The following DAAM2 variants were observed in gnomAD, a reference collection of about 807,000 sequenced individuals.
The protein encoded by DAAM2 is dishevelled associated activator of morphogenesis 2, also known as disheveled-associated activator of morphogenesis 2.
DAAM2 carries 39 observed loss-of-function variants against 120.7 expected under a neutral mutation model. The observed-to-expected ratio is 0.32, with a 90% confidence interval of 0.25 to 0.42. The LOEUF is 0.42. Among genes scored for constraint, DAAM2 ranks in the 10% least tolerant of loss-of-function variants. The probability of loss-of-function intolerance (pLI) is 1.00; values close to 1 mark genes in which losing one functional copy is unlikely to be tolerated. For synonymous variants in DAAM2, 488 were observed against 524.9 expected, an observed-to-expected ratio of 0.93 and a Z score of 0.96; for missense variants, 1,283 against 1,401.7, an observed-to-expected ratio of 0.92 and a Z score of 1.35.
chr6:39,880,178 T>C (rs1045048687), intron 14 of DAAM2, among the ~76,000 whole-genome samples: 15 of 152,246 alleles, frequency 9.9e-5, no homozygotes, highest in African/African-American at 3.6e-4. Flanking sequence ...AGGAGCTTTG[T>C]CCTTGAAGTA....
intron 8 of DAAM2, 120 bp from the exon 9 acceptor site, chr6:39,871,386 A>C: frequency 1.1e-6 from 1 of 939,072 alleles, no homozygotes; most frequent in Non-Finnish European, 1.7e-6. Context: ...TTTTGCCTTC[A>C]TTTTGCTTGA....
intron 2 of DAAM2, among the ~76,000 whole-genome samples, chr6:39,856,833 G>T (rs1001148317): frequency 6.6e-6 from 1 of 152,156 alleles, no homozygotes; most frequent in Non-Finnish European, 1.5e-5. Flanking sequence ...CTGCTCCTTG[G>T]AGTTTCCCTG....
At chr6:39,824,971 A>G (rs1762615738) in intron 1 of DAAM2, among the ~76,000 whole-genome samples, 1 of 152,156 alleles carries the variant, frequency 6.6e-6, no homozygotes. Context: ...CTCCTGGAGG[A>G]GAATGATGAG....
chr6:39,816,831 T>A (rs184538475), intron 1 of DAAM2, among the ~76,000 whole-genome samples: 478 of 152,342 alleles, frequency 3.1e-3, no homozygotes, highest in Non-Finnish European at 5.9e-3. Flanking sequence ...CAGGTCTGTT[T>A]CCAGTACCGT....
intron 22 of DAAM2, 111 bp from the exon 23 acceptor site, chr6:39,899,966 C>A (rs1766373370): frequency 1.6e-6 from 2 of 1,246,510 alleles, no homozygotes; most frequent in South Asian, 1.5e-5. Context: ...AGGGTGTTCC[C>A]TCTTCCAAAG....
chr6:39,807,602 C>T (rs1245896945), intron 1 of DAAM2, among the ~76,000 whole-genome samples: 11 of 152,072 alleles, frequency 7.2e-5, no homozygotes, highest in Non-Finnish European at 1.3e-4. Flanking sequence ...CTGCAACCTC[C>T]GCCTCCTGGG....
intron 16 of DAAM2, 89 bp downstream of exon 16, chr6:39,887,681 C>T (rs1161645316): frequency 1.2e-6 from 1 of 851,282 alleles, no homozygotes; most frequent in African/African-American, 1.7e-5. Flanking sequence ...GCCTCTCCCT[C>T]TCTGCTGTCC....
At chr6:39,808,045 CAT>C (rs1304195016) in intron 1 of DAAM2, among the ~76,000 whole-genome samples, 1 of 150,832 alleles carries the variant, frequency 6.6e-6, no homozygotes, top group Non-Finnish European at 1.5e-5. Context: ...ATCTATATCT[CAT>C]GTGCACATGG....
intron 1 of DAAM2, among the ~76,000 whole-genome samples, chr6:39,837,410 T>G (rs1271879843): frequency 6.6e-6 from 1 of 152,038 alleles, no homozygotes; most frequent in African/African-American, 2.4e-5. Context: ...ATCATAAACA[T>G]AGCTGCTATT....
intron 1 of DAAM2, among the ~76,000 whole-genome samples, chr6:39,853,372 CAA>C (rs886914763): frequency 4.3e-4 from 65 of 152,276 alleles, no homozygotes; most frequent in African/African-American, 1.4e-3. Flanking sequence ...TGCAGCCCCT[CAA>C]AAAGACACAT....
At chr6:39,834,235 G>A (rs1325784162) in intron 1 of DAAM2, among the ~76,000 whole-genome samples, 1 of 152,150 alleles carries the variant, frequency 6.6e-6, no homozygotes. Context: ...ATTGTCATAG[G>A]ATATCTCATT....
At chr6:39,883,530 T>C (rs893686547) in intron 14 of DAAM2, 7 of 162,920 alleles carry the variant, frequency 4.3e-5, no homozygotes, top group African/African-American at 1.4e-4. Flanking sequence ...ATCCAAAATA[T>C]GTATGGCTTT....
At chr6:39,842,958 A>G (rs193188081) in intron 1 of DAAM2, among the ~76,000 whole-genome samples, 13 of 152,238 alleles carry the variant, frequency 8.5e-5, no homozygotes, top group Admixed American at 7.8e-4. Flanking sequence ...TGCTTTTATT[A>G]TTTAATTTCA....
At chr6:39,879,931 G>T in intron 14 of DAAM2, 1 of 266,886 alleles carries the variant, frequency 3.7e-6, no homozygotes, top group Non-Finnish European at 7.3e-6. Flanking sequence ...CCTGGGGGAA[G>T]CTGCACACAC....
intron 19 of DAAM2, among the ~76,000 whole-genome samples, chr6:39,895,061 T>C (rs1453933897): frequency 6.6e-6 from 1 of 152,134 alleles, no homozygotes; most frequent in African/African-American, 2.4e-5. Flanking sequence ...TTTTATTCCA[T>C]TATATGAATA....
intron 15 of DAAM2, chr6:39,884,741 G>A (rs1765298314): frequency 6.5e-6 from 1 of 153,008 alleles, no homozygotes; most frequent in Admixed American, 6.5e-5. Context: ...GAAAGTAGGG[G>A]GTGAGTTGGT....
At chr6:39,866,572 T>C (rs902876768) in intron 5 of DAAM2, among the ~76,000 whole-genome samples, 1 of 152,228 alleles carries the variant, frequency 6.6e-6, no homozygotes, top group African/African-American at 2.4e-5. Context: ...GTGAAACTTA[T>C]GGACTGCTTC....
intron 1 of DAAM2, among the ~76,000 whole-genome samples, chr6:39,841,018 G>A (rs567867921): frequency 1.8e-4 from 26 of 143,386 alleles, no homozygotes; most frequent in African/African-American, 2.8e-4. Context: ...GTCCCACGGG[G>A]AGGGTTCCAT....
At chr6:39,865,631 G>A (rs73734933) in intron 5 of DAAM2, among the ~76,000 whole-genome samples, 3,171 of 152,298 alleles carry the variant, frequency 0.021, 107 homozygotes, top group African/African-American at 0.072. Flanking sequence ...CCCAAAGTGG[G>A]GCTCCTTGTG....
Sources: allele counts gnomAD v4.1 joint callset (sites outside exome capture counted in the v4.1 genomes callset), GRCh38; gene constraint gnomAD v4.1.1; transcripts MANE v1.5; gene names NCBI Gene and HGNC (gene_info 2026-07-23, HGNC 2026-07-21).